CTNND2: variants seen among roughly 807,000 people sequenced by gnomAD.
CTNND2 encodes the protein catenin delta 2.
In CTNND2, 22 loss-of-function variants were observed where a neutral mutation model predicts 144.4. The ratio of observed to expected loss-of-function variants is 0.15; its 90% CI spans 0.11 to 0.22. The LOEUF (loss-of-function observed/expected upper bound fraction) is 0.22, where lower values mean the gene tolerates loss of function less well. Among genes scored for constraint, CTNND2 ranks in the 10% least tolerant of loss-of-function variants. The pLI, the probability that CTNND2 is intolerant of heterozygous loss-of-function variation, is 1.00. For synonymous variants in CTNND2, 751 were observed against 695.6 expected (o/e 1.08, Z -1.25); for missense variants, 1,353 against 1,618.8 (o/e 0.84, Z 2.82).
intron 2 of CTNND2, among the ~76,000 whole-genome samples, chr5:11,724,259 A>G (rs548866466): frequency 6.6e-6 from 1 of 152,244 alleles, no homozygotes; most frequent in Non-Finnish European, 1.5e-5. Context: ...CAGAGTCACC[A>G]AATCACTGCA....
intron 1 of CTNND2, among the ~76,000 whole-genome samples, chr5:11,830,038 G>C (rs1399988328): frequency 1.3e-5 from 2 of 152,188 alleles, no homozygotes; most frequent in Non-Finnish European, 1.5e-5. Flanking sequence ...GACTTGCATA[G>C]GGACTGTAAC....
At chr5:11,870,296 T>C (rs1734993305) in intron 1 of CTNND2, among the ~76,000 whole-genome samples, 1 of 152,200 alleles carries the variant, frequency 6.6e-6, no homozygotes, top group Non-Finnish European at 1.5e-5. Context: ...CTTGCGATGC[T>C]GCTCAATAGC....
intron 12 of CTNND2, among the ~76,000 whole-genome samples, chr5:11,120,826 T>C (rs1015338859): frequency 6.6e-6 from 1 of 152,234 alleles, no homozygotes; most frequent in Non-Finnish European, 1.5e-5. Flanking sequence ...CATTTTTATA[T>C]AAACTGTCTC....
intron 2 of CTNND2, among the ~76,000 whole-genome samples, chr5:11,721,635 T>A (rs1341867450): frequency 6.6e-6 from 1 of 152,246 alleles, no homozygotes; most frequent in Admixed American, 6.5e-5. Context: ...CCACTGCTGA[T>A]GGCTCACTGG....
intron 1 of CTNND2, among the ~76,000 whole-genome samples, chr5:11,773,666 C>T (rs1790074181): frequency 6.6e-6 from 1 of 151,898 alleles, no homozygotes; most frequent in African/African-American, 2.4e-5. Context: ...AAAAATCAGC[C>T]GGGTGTGGTG....
intron 3 of CTNND2, among the ~76,000 whole-genome samples, chr5:11,424,526 C>T (rs1163924577): frequency 2.0e-5 from 3 of 151,942 alleles, no homozygotes; most frequent in African/African-American, 7.3e-5. Flanking sequence ...TTGGTTGTAG[C>T]AATGTTGATT....
chr5:11,538,108 A>G (rs191342238), intron 3 of CTNND2, among the ~76,000 whole-genome samples: 1 of 152,304 alleles, frequency 6.6e-6, no homozygotes, highest in East Asian at 1.9e-4. Flanking sequence ...TATTATTCTT[A>G]AATAGCAAAC....
rs1281794018 is a variant in CTNND2, at chr5:10,988,302, CCA to C, written c.3212-62_3212-61del. 2 of 1,598,286 alleles carry C rather than the reference CCA, an allele frequency of 1.3e-6. No homozygotes were observed. The highest frequency in any genetic ancestry group is 2.7e-5 in the African/African-American group (2 of 74,728). ...TCTCATCCCACAGCGTGTGTGCCTT[CCA>C]CACAGTCAGGGTCCTCACTATGCAT... On this transcript the variant is annotated intron_variant, in intron 19 of 21. Coordinates refer to ENST00000304623, the MANE Select transcript of CTNND2 (RefSeq NM_001332.4). The surrounding 1 kb of genome is among the most constrained non-coding windows in gnomAD (Gnocchi z 5.9).
At chr5:11,897,292 A>G (rs541904389) in intron 1 of CTNND2, among the ~76,000 whole-genome samples, 9 of 152,360 alleles carry the variant, frequency 5.9e-5, no homozygotes, top group African/African-American at 2.2e-4. Context: ...AATATGTGAC[A>G]GAGGATAAAA....
At chr5:11,046,746 A>G (rs1745301347) in intron 16 of CTNND2, among the ~76,000 whole-genome samples, 1 of 152,216 alleles carries the variant, frequency 6.6e-6, no homozygotes, top group Non-Finnish European at 1.5e-5. Context: ...AAAATAAATA[A>G]AAATGATGCT....
intron 9 of CTNND2, among the ~76,000 whole-genome samples, chr5:11,291,663 A>G (rs1400685972): frequency 6.6e-6 from 1 of 152,084 alleles, no homozygotes; most frequent in East Asian, 1.9e-4. Context: ...CTCCTGCCAC[A>G]CTTGCCAAAC....
At position 11,046,376 on chromosome 5, in the gene CTNND2, G is replaced by A. The variant is rs540305429; in HGVS notation, c.2789-23397C>T. 2.6e-5 allele frequency among the ~76,000 whole-genome samples: 4 copies of A among 152,260 alleles called. No homozygotes were observed. In the East Asian group the frequency reaches 5.8e-4, roughly 22 times the overall value. ...ACAGCAAATCAGCAGAAGCGAGGGC[G>A]GCAGCCTAGGACAGATTGTCCCTCA... On this transcript the variant is annotated intron_variant, in intron 16 of 21. Transcript: ENST00000304623.
At chr5:11,147,878 G>A (rs886990524) in intron 12 of CTNND2, among the ~76,000 whole-genome samples, 2 of 152,046 alleles carry the variant, frequency 1.3e-5, no homozygotes, top group African/African-American at 2.4e-5. Context: ...AATTGAAATG[G>A]GTATGTAAAC....
chr5:11,063,193 G>A (rs545279645), intron 16 of CTNND2, among the ~76,000 whole-genome samples: 22 of 151,566 alleles, frequency 1.5e-4, no homozygotes, highest in African/African-American at 4.6e-4. Flanking sequence ...AATGTTTCTC[G>A]GTATTTAAAT....
chr5:11,608,415 T>G (rs766511655), intron 2 of CTNND2, among the ~76,000 whole-genome samples: 3 of 152,120 alleles, frequency 2.0e-5, no homozygotes, highest in Non-Finnish European at 4.4e-5. Flanking sequence ...AATCTGGCAT[T>G]TCTCCCATTA....
chr5:11,813,625 A>G (rs191688967), intron 1 of CTNND2, among the ~76,000 whole-genome samples: 6 of 152,318 alleles, frequency 3.9e-5, no homozygotes, highest in African/African-American at 1.4e-4. Context: ...ACTTTCTAAA[A>G]GAGTCCACAT....
intron 1 of CTNND2, among the ~76,000 whole-genome samples, chr5:11,899,909 T>C (rs1452448464): frequency 6.6e-6 from 1 of 152,206 alleles, no homozygotes; most frequent in Non-Finnish European, 1.5e-5. Context: ...AGAAGCAGAA[T>C]GCAAAACAGC....
At chr5:11,595,023 A>T (rs1779435247) in intron 2 of CTNND2, among the ~76,000 whole-genome samples, 1 of 152,224 alleles carries the variant, frequency 6.6e-6, no homozygotes, top group African/African-American at 2.4e-5. Flanking sequence ...CACAATTGAC[A>T]GCCAAATTAC....
chr5:11,719,516 A>C (rs1786540243), intron 2 of CTNND2, among the ~76,000 whole-genome samples: 1 of 152,242 alleles, frequency 6.6e-6, no homozygotes, highest in Non-Finnish European at 1.5e-5. Flanking sequence ...CAAAGTATGG[A>C]TATCTCAGAC....
Sources: gnomAD v4.1 joint callset for allele counts (sites outside exome capture counted in the v4.1 genomes callset) on GRCh38, gnomAD v4.1.1 for gene constraint, Gnocchi (gnomAD v3.1) non-coding constraint, MANE v1.5 for transcripts, NCBI Gene and HGNC (gene_info 2026-07-23, HGNC 2026-07-21) for gene names.